The following NELL1 variants were observed in gnomAD, a reference collection of about 807,000 sequenced individuals.
The protein encoded by NELL1 is protein kinase C-binding protein NELL1.
Under a neutral mutation model 107.4 loss-of-function variants are expected in NELL1, and 76 were observed. The ratio of observed to expected loss-of-function variants is 0.71; its 90% CI spans 0.59 to 0.86. The LOEUF (loss-of-function observed/expected upper bound fraction) is 0.86, where lower values mean the gene tolerates loss of function less well. Ranked by LOEUF, NELL1 falls within the 40% of genes least tolerant of loss-of-function variation. The pLI is 0.00. For missense variants in NELL1, 1,024 were observed against 1,005.5 expected, an observed-to-expected ratio of 1.02 and a Z score of -0.25; for synonymous variants, 353 against 341.2, an observed-to-expected ratio of 1.03 and a Z score of -0.38.
chr11:21,016,317 A>G (rs764022719), intron 12 of NELL1, among the ~76,000 whole-genome samples: 1 of 152,098 alleles, frequency 6.6e-6, no homozygotes, highest in Non-Finnish European at 1.5e-5. Flanking sequence ...TGAACATACT[A>G]CTTACTTTTT....
intron 2 of NELL1, among the ~76,000 whole-genome samples, chr11:20,697,325 A>T (rs996067902): frequency 1.3e-5 from 2 of 151,088 alleles, no homozygotes; most frequent in Non-Finnish European, 2.9e-5. Flanking sequence ...AGTTGGGAGG[A>T]TGTGTCATCG....
At chr11:21,547,089 C>T (rs1856461765) in intron 16 of NELL1, among the ~76,000 whole-genome samples, 1 of 151,720 alleles carries the variant, frequency 6.6e-6, no homozygotes, top group African/African-American at 2.4e-5. Context: ...TGTGGACCAG[C>T]TACATTATAA....
intron 15 of NELL1, among the ~76,000 whole-genome samples, chr11:21,488,453 C>T (rs1303540618): frequency 6.6e-6 from 1 of 151,956 alleles, no homozygotes; most frequent in Non-Finnish European, 1.5e-5. Context: ...ATTTCCTGGC[C>T]TATAAGCAGC....
chr11:20,686,844 T>A (rs1196428769), intron 2 of NELL1, among the ~76,000 whole-genome samples: 9 of 152,060 alleles, frequency 5.9e-5, no homozygotes, highest in Admixed American at 5.2e-4. Flanking sequence ...CTCTAGGCAT[T>A]GAAGTGACTC....
intron 14 of NELL1, among the ~76,000 whole-genome samples, chr11:21,277,387 A>T (rs1167626984): frequency 6.6e-6 from 1 of 151,622 alleles, no homozygotes; most frequent in Non-Finnish European, 1.5e-5. Flanking sequence ...ATCATTAAAA[A>T]GTCAGGAAAC....
chr11:21,134,080 C>T (rs941104277), intron 13 of NELL1, among the ~76,000 whole-genome samples: 11 of 152,218 alleles, frequency 7.2e-5, no homozygotes, highest in East Asian at 1.9e-4. Flanking sequence ...TTCAAGTCTC[C>T]GCTTTGATAT....
chr11:20,915,105 G>A (rs1425826532), intron 5 of NELL1, among the ~76,000 whole-genome samples: 1 of 151,996 alleles, frequency 6.6e-6, no homozygotes, highest in African/African-American at 2.4e-5. Context: ...ATACTAAGAT[G>A]AAAATCTATT....
At chr11:21,328,488 T>A (rs1850197694) in intron 14 of NELL1, among the ~76,000 whole-genome samples, 1 of 152,146 alleles carries the variant, frequency 6.6e-6, no homozygotes, top group Non-Finnish European at 1.5e-5. Context: ...GAACCTCTCC[T>A]ATGGCAGTGT....
At chr11:21,299,510 T>C (rs1469440732) in intron 14 of NELL1, among the ~76,000 whole-genome samples, 1 of 119,554 alleles carries the variant, frequency 8.4e-6, no homozygotes, top group African/African-American at 3.2e-5. Context: ...TATTGTCTTA[T>C]ATGTGTGTGT....
intron 2 of NELL1, among the ~76,000 whole-genome samples, chr11:20,756,516 AT>A (rs753445309): frequency 0.036 from 3,522 of 97,298 alleles, 59 homozygotes; most frequent in Non-Finnish European, 0.054. Context: ...ATTTTTTGTA[AT>A]TTTTTTTTTT....
At chr11:21,411,472 T>C (rs2133810663) in intron 15 of NELL1, among the ~76,000 whole-genome samples, 1 of 152,110 alleles carries the variant, frequency 6.6e-6, no homozygotes, top group East Asian at 1.9e-4. Flanking sequence ...TAATAAATAA[T>C]ACACTCTAAC....
At chr11:21,508,684 C>G (rs1189238233) in intron 15 of NELL1, among the ~76,000 whole-genome samples, 1 of 151,784 alleles carries the variant, frequency 6.6e-6, no homozygotes, top group Non-Finnish European at 1.5e-5. Flanking sequence ...CCTAGAATGT[C>G]TTAAGAGTAG....
chr11:21,261,276 T>C (rs1294979441), intron 14 of NELL1, among the ~76,000 whole-genome samples: 3 of 151,594 alleles, frequency 2.0e-5, no homozygotes, highest in Admixed American at 1.3e-4. Flanking sequence ...AGGTTTGTTG[T>C]AAGATTATTT....
At chr11:20,751,858 A>AT (rs1197919868) in intron 2 of NELL1, among the ~76,000 whole-genome samples, 4 of 152,144 alleles carry the variant, frequency 2.6e-5, no homozygotes, top group South Asian at 4.1e-4. Flanking sequence ...CTTAACTTTC[A>AT]TTTTTATTGT....
intron 15 of NELL1, among the ~76,000 whole-genome samples, chr11:21,470,054 T>G (rs1205412344): frequency 6.6e-6 from 1 of 152,032 alleles, no homozygotes; most frequent in Non-Finnish European, 1.5e-5. Flanking sequence ...TAATTAACAA[T>G]TACTCTATGC....
At chr11:21,025,522 G>A (rs1320169822) in intron 12 of NELL1, among the ~76,000 whole-genome samples, 1 of 151,242 alleles carries the variant, frequency 6.6e-6, no homozygotes, top group Non-Finnish European at 1.5e-5. Flanking sequence ...TAATGTATAG[G>A]AAGTTTACAT....
At chr11:21,097,404 A>G (rs781515882) in intron 12 of NELL1, among the ~76,000 whole-genome samples, 38 of 152,180 alleles carry the variant, frequency 2.5e-4, no homozygotes, top group Non-Finnish European at 5.0e-4. Context: ...AGAACAAAGG[A>G]CACCAGGGGG....
At chr11:21,395,956 G>A (rs970924861) in intron 15 of NELL1, among the ~76,000 whole-genome samples, 2 of 151,514 alleles carry the variant, frequency 1.3e-5, no homozygotes, top group African/African-American at 4.8e-5. Flanking sequence ...ATGTAACCTA[G>A]AGAGACCAAG....
chr11:20,796,747 A>G (rs1286310340), intron 3 of NELL1, among the ~76,000 whole-genome samples: 1 of 152,330 alleles, frequency 6.6e-6, no homozygotes, highest in Non-Finnish European at 1.5e-5. Flanking sequence ...TACAATTGTG[A>G]GACATACAAG....
Sources: gnomAD v4.1 joint callset for allele counts (sites outside exome capture counted in the v4.1 genomes callset) on GRCh38, gnomAD v4.1.1 for gene constraint, MANE v1.5 for transcripts, NCBI Gene and HGNC (gene_info 2026-07-23, HGNC 2026-07-21) for gene names.